AP3S2: variants seen among roughly 807,000 people sequenced by gnomAD.
AP3S2 encodes the protein adaptor related protein complex 3 subunit sigma 2, also known as AP-3 complex subunit sigma-2.
AP3S2 carries 22 observed loss-of-function variants against 23.4 expected under a neutral mutation model. The ratio of observed to expected loss-of-function variants is 0.94; its 90% CI spans 0.67 to 1.34. AP3S2 has a LOEUF of 1.34. Ranked by LOEUF, AP3S2 falls within the 40% of genes most tolerant of loss-of-function variation. The pLI is 0.00. For missense variants in AP3S2, 241 were observed against 236.9 expected (o/e 1.02, Z -0.11); for synonymous variants, 86 against 87.1 (o/e 0.99, Z 0.07).
chr15:89,877,968 G>A (rs888859470), intron 3 of AP3S2, among the ~76,000 whole-genome samples: 1 of 152,064 alleles, frequency 6.6e-6, no homozygotes, highest in African/African-American at 2.4e-5. Context: ...GACTATAGAA[G>A]GACAATATTT....
intron 1 of AP3S2, chr15:89,893,616 A>T (rs1896869619): frequency 2.0e-6 from 1 of 505,462 alleles, no homozygotes; most frequent in South Asian, 3.0e-5. Flanking sequence ...TCTCGTTCCC[A>T]GAGACCCACG....
At chr15:89,875,553 CAAG>C (rs1896422875) in intron 3 of AP3S2, among the ~76,000 whole-genome samples, 1 of 152,062 alleles carries the variant, frequency 6.6e-6, no homozygotes, top group African/African-American at 2.4e-5. Flanking sequence ...CATGATGAGG[CAAG>C]AAGACAGGAA....
chr15:89,838,024 A>C, intron 4 of AP3S2: 1 of 335,874 alleles, frequency 3.0e-6, no homozygotes, highest in South Asian at 3.1e-5. Context: ...CCCTGGGCAA[A>C]TGACCTTTAA....
intron 3 of AP3S2, among the ~76,000 whole-genome samples, chr15:89,873,684 TTTTG>T (rs942504883): frequency 3.9e-5 from 6 of 152,098 alleles, no homozygotes; most frequent in South Asian, 2.1e-4. Context: ...TGAAGTGGGT[TTTTG>T]TTTGTTTCCA....
At chr15:89,841,819 T>C (rs1226779864) in intron 4 of AP3S2, among the ~76,000 whole-genome samples, 1 of 151,824 alleles carries the variant, frequency 6.6e-6, no homozygotes, top group African/African-American at 2.4e-5. Flanking sequence ...TAAAGATAAG[T>C]ATACAAAAAA....
chr15:89,868,133 A>G (rs113388095), intron 4 of AP3S2, among the ~76,000 whole-genome samples: 16 of 54,294 alleles, frequency 2.9e-4, no homozygotes, highest in Admixed American at 6.7e-4. Context: ...CAGCCCCCCC[A>G]CCCGGCCAGC....
chr15:89,881,925 A>AT lies in AP3S2; in HGVS notation c.273+6595dup, dbSNP rs1435166269. Among the ~76,000 whole-genome samples the AT allele has an allele frequency of 2.0e-5, 3 of 152,106 alleles. No individual in the cohort carries two copies. In the East Asian group the frequency reaches 5.8e-4, roughly 29 times the overall value. On this transcript the variant is annotated intron_variant, in intron 3 of 5. Transcript: ENST00000336418. ...AACCTCCACCTCCCGGGTTCAAGCA[A>AT]TTCTCCTGCCTCAACCCCCCAAGTA...
intron 4 of AP3S2, among the ~76,000 whole-genome samples, chr15:89,871,193 C>T (rs1896310771): frequency 6.6e-6 from 1 of 152,168 alleles, no homozygotes; most frequent in Non-Finnish European, 1.5e-5. Flanking sequence ...GGCCAAGTAG[C>T]CAGTGACATC....
At chr15:89,864,708 A>C (rs1896078876) in intron 4 of AP3S2, among the ~76,000 whole-genome samples, 2 of 151,886 alleles carry the variant, frequency 1.3e-5, no homozygotes, top group African/African-American at 4.8e-5. Flanking sequence ...CGCCCAGCTA[A>C]TTTTTGTATT....
chr15:89,858,529 G>GA (rs1555446560), intron 4 of AP3S2, among the ~76,000 whole-genome samples: 1 of 50,696 alleles, frequency 2.0e-5, no homozygotes, highest in Non-Finnish European at 4.2e-5. Flanking sequence ...GAGAGAGAAA[G>GA]AAAGAAAGAA....
chr15:89,831,993 A>G lies in AP3S2; in HGVS notation c.*3522T>C, dbSNP rs948307056. On this transcript the variant is annotated 3_prime_UTR_variant, in exon 6 of 6. Transcript: ENST00000336418. ...TGCACTATATCCCAACAATCTGAGC[A>G]CTCTGTCAAAGATGCTCACAGAGAC... is the stretch of plus-strand genomic sequence containing the variant. The G allele has an allele frequency of 6.6e-6, 1 of 152,158 alleles. No individual in the cohort carries two copies. The highest frequency in any genetic ancestry group is 6.5e-5 in the Admixed American group (1 of 15,276). The allele number at this position is 152,158 out of a possible 1,614,324, so 9.4% of individuals were successfully genotyped here.
intron 3 of AP3S2, chr15:89,876,541 A>C (rs1896447491): frequency 6.6e-6 from 1 of 152,354 alleles, no homozygotes; most frequent in Admixed American, 6.5e-5. Flanking sequence ...TATGACATGC[A>C]TAGGAAAGAA....
intron 4 of AP3S2, among the ~76,000 whole-genome samples, chr15:89,841,568 C>A (rs929486399): frequency 7.9e-5 from 12 of 152,182 alleles, no homozygotes; most frequent in African/African-American, 2.9e-4. Flanking sequence ...TGAGAAATCA[C>A]GCAAGCTACA....
chr15:89,885,219 G>A (rs112938664), intron 3 of AP3S2, among the ~76,000 whole-genome samples: 1 of 150,804 alleles, frequency 6.6e-6, no homozygotes, highest in African/African-American at 2.4e-5. Flanking sequence ...TTTTGAGATA[G>A]AGTCTCGCTC....
At chr15:89,879,794 G>A (rs1896528141) in intron 3 of AP3S2, among the ~76,000 whole-genome samples, 2 of 151,872 alleles carry the variant, frequency 1.3e-5, no homozygotes, top group African/African-American at 4.8e-5. Context: ...TTTTAGTGGA[G>A]ATACAGTTTC....
At chr15:89,884,842 G>T (rs1896657548) in intron 3 of AP3S2, among the ~76,000 whole-genome samples, 1 of 151,970 alleles carries the variant, frequency 6.6e-6, no homozygotes, top group Non-Finnish European at 1.5e-5. Context: ...TAGAGACAAG[G>T]TTTCACCATA....
intron 3 of AP3S2, 39 bp downstream of exon 3, chr15:89,888,482 T>G (rs1361401475): frequency 1.3e-6 from 2 of 1,599,274 alleles, no homozygotes; most frequent in Non-Finnish European, 1.7e-6. Flanking sequence ...CCGTGGAAAC[T>G]CTCTAAAGCT....
intron 3 of AP3S2, among the ~76,000 whole-genome samples, chr15:89,884,438 G>A (rs1194846080): frequency 2.0e-5 from 3 of 151,522 alleles, no homozygotes; most frequent in African/African-American, 7.3e-5. Flanking sequence ...TCAACACACA[G>A]AAGAGACAAA....
intron 4 of AP3S2, chr15:89,850,712 T>C (rs1895628211): frequency 1.4e-5 from 1 of 73,750 alleles, no homozygotes; most frequent in Admixed American, 1.7e-4. Flanking sequence ...TTCACTGATT[T>C]TTTTCTTTTT....
Sources: allele counts gnomAD v4.1 joint callset (sites outside exome capture counted in the v4.1 genomes callset), GRCh38; gene constraint gnomAD v4.1.1; transcripts MANE v1.5; gene names NCBI Gene and HGNC (gene_info 2026-07-23, HGNC 2026-07-21).